PIBF1: variants seen among roughly 807,000 people sequenced by gnomAD.
PIBF1 encodes the protein progesterone immunomodulatory binding factor 1.
Under a neutral mutation model 112.5 loss-of-function variants are expected in PIBF1, and 90 were observed. The observed-to-expected ratio is 0.80, with a 90% CI of 0.67 to 0.95. PIBF1 has a LOEUF of 0.95. Ranked by LOEUF, PIBF1 falls within the 40% of genes least tolerant of loss-of-function variation. PIBF1 has a pLI of 0.00. For missense variants in PIBF1, 915 were observed against 852.3 expected, an observed-to-expected ratio of 1.07 and a Z score of -0.92; for synonymous variants, 301 against 288.6, an observed-to-expected ratio of 1.04 and a Z score of -0.44.
chr13:73,004,610 A>G (rs2043975847), intron 17 of PIBF1, among the ~76,000 whole-genome samples: 1 of 152,164 alleles, frequency 6.6e-6, no homozygotes, highest in East Asian at 1.9e-4. Flanking sequence ...TCTAGACTTT[A>G]TTCCTTTCTT....
rs1354707478 is a variant in PIBF1 at position 72,813,238 on chromosome 13, T to C, written c.673-8611T>C. Among the ~76,000 whole-genome samples, 4 of 152,260 alleles carry C rather than the reference T, an allele frequency of 2.6e-5. No homozygotes were observed. In the East Asian group the frequency reaches 7.7e-4, roughly 29 times the overall value. Reference sequence around the variant, plus strand: ...AATAAGCATTGCTGTTTAGGCTTAGTTGAAAGGAGGAAGTAAAGGGATTCT... The same window carrying C: ...AATAAGCATTGCTGTTTAGGCTTAGCTGAAAGGAGGAAGTAAAGGGATTCT... On this transcript the variant is annotated intron_variant, in intron 5 of 17. Transcript: ENST00000326291.
At chr13:72,852,668 G>C (rs548890458) in intron 9 of PIBF1, among the ~76,000 whole-genome samples, 26 of 152,288 alleles carry the variant, frequency 1.7e-4, no homozygotes, top group Admixed American at 1.6e-3. Context: ...CCATGCAAAA[G>C]ACTAGATTGA....
chr13:72,904,350 C>G (rs889542879), intron 11 of PIBF1, among the ~76,000 whole-genome samples: 1 of 147,430 alleles, frequency 6.8e-6, no homozygotes, highest in African/African-American at 2.5e-5. Flanking sequence ...GGATAAATAT[C>G]ATAAAATAGA....
intron 14 of PIBF1, among the ~76,000 whole-genome samples, chr13:72,938,990 T>C (rs1334899783): frequency 5.3e-5 from 8 of 152,180 alleles, no homozygotes; most frequent in African/African-American, 1.9e-4. Context: ...TCTGTTCGAG[T>C]CATTTGCCCA....
Position 72,860,549 on chromosome 13 carries a change from C to G in PIBF1, c.1322+6394C>G, listed in dbSNP as rs117403649. Reference sequence around the variant, plus strand: ...TGATTCTGGCTTCCTTTGTCACTTCCTATGTTTTAATCTTTATGCGGAATG... The same window carrying G: ...TGATTCTGGCTTCCTTTGTCACTTCGTATGTTTTAATCTTTATGCGGAATG... On this transcript the variant is annotated intron_variant, in intron 10 of 17. Coordinates refer to ENST00000326291, the MANE Select transcript of PIBF1 (RefSeq NM_006346.4). Among the ~76,000 whole-genome samples, 1,157 of 152,072 alleles carry G rather than the reference C, an allele frequency of 7.6e-3. 14 individuals are homozygous for G. Among genetic ancestry groups the G allele is most frequent in the Middle Eastern group, 0.014 (4 of 294 alleles).
intron 14 of PIBF1, among the ~76,000 whole-genome samples, chr13:72,961,815 T>A (rs1211635972): frequency 6.6e-6 from 1 of 151,962 alleles, no homozygotes. Context: ...ACCATTTGCT[T>A]AGGAAAAAAA....
chr13:72,951,359 G>A (rs1382369974), intron 14 of PIBF1, among the ~76,000 whole-genome samples: 2 of 152,154 alleles, frequency 1.3e-5, no homozygotes, highest in African/African-American at 4.8e-5. Flanking sequence ...TACTAGCTAT[G>A]TAAATTTGGA....
At chr13:72,815,344 A>G (rs1395205656) in intron 5 of PIBF1, among the ~76,000 whole-genome samples, 1 of 152,250 alleles carries the variant, frequency 6.6e-6, no homozygotes, top group African/African-American at 2.4e-5. Context: ...AACAGCAATT[A>G]GTGTTGAACA....
chr13:72,788,909 T>A (rs1320422317), intron 2 of PIBF1, among the ~76,000 whole-genome samples: 2 of 152,174 alleles, frequency 1.3e-5, no homozygotes, highest in Non-Finnish European at 2.9e-5. Flanking sequence ...GATACATGGC[T>A]TTATTATAGT....
At chr13:72,891,340 T>G (rs557867807) in intron 10 of PIBF1, among the ~76,000 whole-genome samples, 1 of 152,260 alleles carries the variant, frequency 6.6e-6, no homozygotes, top group South Asian at 2.1e-4. Context: ...TATCCAGAAT[T>G]TATTTCATAA....
Position 72,955,531 on chromosome 13 carries a change from G to A in PIBF1, c.1834-9743G>A, listed in dbSNP as rs879866582. Among the ~76,000 whole-genome samples the A allele has an allele frequency of 9.2e-5, 14 of 152,028 alleles. 1 individual carries two copies. The highest frequency in any genetic ancestry group is 3.4e-3 in the Middle Eastern group (1 of 294). On this transcript the variant is annotated intron_variant, in intron 14 of 17. Coordinates refer to ENST00000326291, the MANE Select transcript of PIBF1 (RefSeq NM_006346.4). ...ATTTTTTACCTGCCGGTTGTTCCTC[G>A]AAAACTCATGAGTGACTATAATTTT...
At chr13:72,927,937 A>T (rs2041541518) in intron 13 of PIBF1, among the ~76,000 whole-genome samples, 1 of 128,580 alleles carries the variant, frequency 7.8e-6, no homozygotes. Flanking sequence ...CATTTCTAAT[A>T]TATGTGTGTA....
chr13:72,915,475 A>G (rs1025216781), intron 12 of PIBF1, among the ~76,000 whole-genome samples: 2 of 152,236 alleles, frequency 1.3e-5, no homozygotes, highest in Non-Finnish European at 1.5e-5. Context: ...TTATTAATCC[A>G]TTAAGTATTA....
chr13:73,012,577 A>AG (rs2044235605), intron 17 of PIBF1, among the ~76,000 whole-genome samples: 1 of 150,526 alleles, frequency 6.6e-6, no homozygotes, highest in African/African-American at 2.5e-5. Context: ...ACACACACCA[A>AG]AAAAAACAAA....
At chr13:72,992,652 A>C (rs1357164096) in intron 16 of PIBF1, among the ~76,000 whole-genome samples, 2 of 152,090 alleles carry the variant, frequency 1.3e-5, no homozygotes, top group African/African-American at 4.8e-5. Flanking sequence ...ATAAAAAAAT[A>C]AAAAAATAAT....
chr13:72,786,872 T>G (rs2034626628), intron 2 of PIBF1, among the ~76,000 whole-genome samples: 2 of 152,172 alleles, frequency 1.3e-5, no homozygotes, highest in African/African-American at 4.8e-5. Flanking sequence ...TATTGTAGAG[T>G]TAGCCTTCCA....
intron 17 of PIBF1, among the ~76,000 whole-genome samples, chr13:72,999,339 G>T (rs903769257): frequency 6.6e-6 from 1 of 152,050 alleles, no homozygotes; most frequent in East Asian, 1.9e-4. Flanking sequence ...CAGTTATTAT[G>T]TGCCAATTTT....
At chr13:72,851,564 C>T (rs549800621) in intron 9 of PIBF1, among the ~76,000 whole-genome samples, 1 of 152,352 alleles carries the variant, frequency 6.6e-6, no homozygotes, top group South Asian at 2.1e-4. Context: ...GGCTGGGCGC[C>T]AGGTTACAGC....
chr13:72,893,648 A>C (rs1292222208), intron 10 of PIBF1, 136 bp from the exon 11 acceptor site: 6 of 458,736 alleles, frequency 1.3e-5, no homozygotes, highest in Non-Finnish European at 2.2e-5. Flanking sequence ...ATTATTTATA[A>C]AAGCTTTGCT....
Sources: gnomAD v4.1 joint callset for allele counts (sites outside exome capture counted in the v4.1 genomes callset) on GRCh38, gnomAD v4.1.1 for gene constraint, MANE v1.5 for transcripts, NCBI Gene and HGNC (gene_info 2026-07-23, HGNC 2026-07-21) for gene names.